Variants in AVEN observed in about 807,000 individuals in gnomAD.
AVEN encodes apoptosis and caspase activation inhibitor, also known as cell death regulator Aven.
In AVEN, 41 loss-of-function variants were observed where a neutral mutation model predicts 38.1. That is an observed-to-expected ratio of 1.08 (90% confidence interval 0.84 to 1.40). The LOEUF is 1.40. Ranked by LOEUF, AVEN falls within the 40% of genes most tolerant of loss-of-function variation. The pLI is 0.00. For missense variants in AVEN, 605 were observed against 438.8 expected, an observed-to-expected ratio of 1.38 and a Z score of -3.38; for synonymous variants, 206 against 171.8, an observed-to-expected ratio of 1.20 and a Z score of -1.56.
intron 2 of AVEN, among the ~76,000 whole-genome samples, chr15:33,900,929 A>G (rs946346101): frequency 2.0e-5 from 3 of 152,146 alleles, no homozygotes; most frequent in Admixed American, 1.3e-4. Flanking sequence ...GGAAATGTCT[A>G]TAGAGCACCC....
chr15:34,057,141 G>C (rs579073), intron 5 of AVEN, among the ~76,000 whole-genome samples: 36 of 140,916 alleles, frequency 2.6e-4, no homozygotes, highest in African/African-American at 7.4e-4. Context: ...GGTTTTTTTT[G>C]GTTTTTTTTT....
chr15:33,915,706 A>G (rs1400638447), intron 2 of AVEN, among the ~76,000 whole-genome samples: 1 of 152,216 alleles, frequency 6.6e-6, no homozygotes, highest in Non-Finnish European at 1.5e-5. Context: ...GTGCAGACAC[A>G]GCACAGAAGC....
intron 1 of AVEN, among the ~76,000 whole-genome samples, chr15:34,034,314 G>A (rs78238958): frequency 2.0e-5 from 3 of 151,794 alleles, no homozygotes; most frequent in African/African-American, 4.8e-5. Flanking sequence ...GGTGGTTCAC[G>A]CCTGTACTCC....
intron 11 of AVEN, chr15:33,861,149 A>G (rs1205199936): frequency 1.9e-6 from 3 of 1,595,450 alleles, no homozygotes; most frequent in Non-Finnish European, 8.5e-7. Context: ...AAACACATAC[A>G]TTACAAGAGC....
intron 5 of AVEN, among the ~76,000 whole-genome samples, chr15:34,053,319 A>AAATATATATATATATATATAT (rs775436850): frequency 2.4e-5 from 1 of 42,070 alleles, no homozygotes; most frequent in African/African-American, 8.0e-5. Context: ...AAAAAAAAAA[A>AAATATATATATATATATATAT]ATATATATAT....
intron 2 of AVEN, among the ~76,000 whole-genome samples, chr15:34,068,086 A>G (rs1168005321): frequency 6.6e-6 from 1 of 152,024 alleles, no homozygotes; most frequent in Non-Finnish European, 1.5e-5. Flanking sequence ...TTCCGCACTT[A>G]ACGTTTTGCC....
chr15:33,900,632 A>AG (rs1469056533), intron 2 of AVEN, among the ~76,000 whole-genome samples: 1 of 151,848 alleles, frequency 6.6e-6, no homozygotes, highest in Non-Finnish European at 1.5e-5. Flanking sequence ...AAATACAAAA[A>AG]AAAAACTGAT....
intron 1 of AVEN, among the ~76,000 whole-genome samples, chr15:34,072,426 C>T (rs1020708495): frequency 7.3e-5 from 11 of 151,650 alleles, no homozygotes; most frequent in Non-Finnish European, 1.6e-4. Context: ...GACTAACCAA[C>T]ATGGTGAAAC....
At chr15:34,029,983 G>A (rs1282856687) in intron 1 of AVEN, among the ~76,000 whole-genome samples, 1 of 152,094 alleles carries the variant, frequency 6.6e-6, no homozygotes, top group African/African-American at 2.4e-5. Context: ...GCCGAGCATG[G>A]TGACTCACAC....
chr15:33,910,034 A>C (rs1463203576), intron 2 of AVEN, among the ~76,000 whole-genome samples: 1 of 151,934 alleles, frequency 6.6e-6, no homozygotes, highest in Admixed American at 6.6e-5. Flanking sequence ...AGGCTGAGGC[A>C]GAAGAATCAC....
intron 5 of AVEN, among the ~76,000 whole-genome samples, chr15:34,059,253 T>C (rs1477676942): frequency 6.6e-6 from 1 of 152,226 alleles, no homozygotes; most frequent in East Asian, 1.9e-4. Context: ...GCTATACATG[T>C]GTCCAAAGGA....
chr15:33,908,146 G>A (rs1280115840), intron 2 of AVEN, among the ~76,000 whole-genome samples: 1 of 152,124 alleles, frequency 6.6e-6, no homozygotes, highest in Non-Finnish European at 1.5e-5. Flanking sequence ...ACAGTCCGGT[G>A]GCATTAAGTA....
chr15:33,914,350 G>A (rs1893036987), intron 2 of AVEN, among the ~76,000 whole-genome samples: 1 of 152,110 alleles, frequency 6.6e-6, no homozygotes, highest in South Asian at 2.1e-4. Flanking sequence ...AGATGCCAAA[G>A]AAGTAAGTCC....
intron 2 of AVEN, among the ~76,000 whole-genome samples, chr15:33,917,599 A>G (rs1025181763): frequency 6.6e-6 from 1 of 151,798 alleles, no homozygotes; most frequent in African/African-American, 2.4e-5. Flanking sequence ...CTACATATAT[A>G]TACACACATG....
At chr15:34,006,066 C>T (rs1466952650) in intron 1 of AVEN, among the ~76,000 whole-genome samples, 1 of 152,208 alleles carries the variant, frequency 6.6e-6, no homozygotes, top group Non-Finnish European at 1.5e-5. Flanking sequence ...AATCCCAACA[C>T]TTTGGGAGGC....
intron 1 of AVEN, among the ~76,000 whole-genome samples, chr15:34,038,180 C>A (rs1169328374): frequency 1.3e-5 from 2 of 152,152 alleles, no homozygotes; most frequent in Admixed American, 6.5e-5. Flanking sequence ...CACATACAGG[C>A]ATAATAAAAG....
chr15:33,865,340 T>TAAA, downstream of AVEN: 3 of 622,032 alleles, frequency 4.8e-6, no homozygotes, highest in Non-Finnish European at 7.9e-6. Flanking sequence ...ATGCCTCCCT[T>TAAA]AAAAAAAAAA....
chr15:34,029,948 T>C (rs1386991722), intron 1 of AVEN, among the ~76,000 whole-genome samples: 1 of 152,090 alleles, frequency 6.6e-6, no homozygotes, highest in Non-Finnish European at 1.5e-5. Context: ...GAACTCTAGA[T>C]TCACAATAGA....
intron 5 of AVEN, among the ~76,000 whole-genome samples, chr15:34,054,346 A>G (rs1350498165): frequency 6.6e-6 from 1 of 152,250 alleles, no homozygotes; most frequent in Non-Finnish European, 1.5e-5. Context: ...CCAAGGGACT[A>G]TAAATCATTC....
Sources: gnomAD v4.1 joint callset for allele counts (sites outside exome capture counted in the v4.1 genomes callset) on GRCh38, gnomAD v4.1.1 for gene constraint, MANE v1.5 for transcripts, NCBI Gene and HGNC (gene_info 2026-07-23, HGNC 2026-07-21) for gene names.